The following PLCH1 variants were observed in gnomAD, a reference collection of about 807,000 sequenced individuals.
PLCH1 encodes 1-phosphatidylinositol 4,5-bisphosphate phosphodiesterase eta-1.
Under a neutral mutation model 126.7 loss-of-function variants are expected in PLCH1, and 60 were observed. That is an observed-to-expected ratio of 0.47 (90% CI 0.38 to 0.59). PLCH1 has a LOEUF of 0.59. Ranked by LOEUF, PLCH1 falls within the 20% of genes least tolerant of loss-of-function variation. PLCH1 has a pLI of 0.00. For synonymous variants in PLCH1, 719 were observed against 734.9 expected, an observed-to-expected ratio of 0.98 and a Z score of 0.35; for missense variants, 1,723 against 2,040.0, an observed-to-expected ratio of 0.84 and a Z score of 2.99.
chr3:155,659,639 C>T (rs1741897176), intron 2 of PLCH1, among the ~76,000 whole-genome samples: 1 of 151,946 alleles, frequency 6.6e-6, no homozygotes, highest in African/African-American at 2.4e-5. Flanking sequence ...GCTGGGATGA[C>T]AGGCGCCCAC....
intron 1 of PLCH1, among the ~76,000 whole-genome samples, chr3:155,739,235 G>A (rs566897404): frequency 1.3e-5 from 2 of 152,170 alleles, no homozygotes; most frequent in South Asian, 4.2e-4. Flanking sequence ...AACACTACCC[G>A]GTCCATTCTA....
intron 14 of PLCH1, among the ~76,000 whole-genome samples, chr3:155,498,602 T>C (rs901674848): frequency 8.5e-5 from 13 of 152,286 alleles, no homozygotes; most frequent in African/African-American, 3.1e-4. Context: ...AAACACTGCA[T>C]AGTGGGTAGC....
chr3:155,732,877 CAAAAAAA>C (rs71155063), intron 1 of PLCH1, among the ~76,000 whole-genome samples: 1 of 80,254 alleles, frequency 1.2e-5, no homozygotes. Context: ...GACTGCATCT[CAAAAAAA>C]AAAAAAAAAA....
At chr3:155,534,669 A>G (rs1723119732) in intron 10 of PLCH1, among the ~76,000 whole-genome samples, 1 of 152,196 alleles carries the variant, frequency 6.6e-6, no homozygotes, top group Admixed American at 6.5e-5. Flanking sequence ...TCCCACCCAA[A>G]TATCATCTTG....
intron 2 of PLCH1, among the ~76,000 whole-genome samples, chr3:155,688,682 C>A (rs1336867997): frequency 6.6e-6 from 1 of 152,138 alleles, no homozygotes; most frequent in Non-Finnish European, 1.5e-5. Context: ...AGGGTGGGTC[C>A]CAGGCCTGTC....
rs1029451144 is a variant in PLCH1 at position 155,549,639 on chromosome 3, T to A, written c.1362+148A>T. On this transcript the variant is annotated intron_variant, in intron 10 of 22. Coordinates refer to ENST00000460012, the MANE Select transcript of PLCH1 (RefSeq NM_014996.4). ...TTCTGAAGACACGACTATAAAAAAA[T>A]TGGAATAAGGCGCATACATAGATCT... The A allele has an allele frequency of 6.9e-6, 4 of 580,524 alleles. No homozygotes were observed. In the African/African-American group the frequency reaches 7.5e-5, roughly 11 times the overall value. 36.0% of individuals were successfully genotyped at this position (580,524 alleles called of 1,614,324 possible).
chr3:155,571,254 A>G (rs1271181650), intron 6 of PLCH1, among the ~76,000 whole-genome samples: 2 of 152,170 alleles, frequency 1.3e-5, no homozygotes, highest in Non-Finnish European at 2.9e-5. Flanking sequence ...ATATTGCTAA[A>G]CCTTACTAGC....
At chr3:155,471,001 G>A (rs934405825) in intron 21 of PLCH1, among the ~76,000 whole-genome samples, 1 of 151,432 alleles carries the variant, frequency 6.6e-6, no homozygotes, top group African/African-American at 2.4e-5. Context: ...ATCGAGACTA[G>A]GAAGAAAGTG....
chr3:155,695,575 C>T (rs1396829717), intron 2 of PLCH1, among the ~76,000 whole-genome samples: 16 of 152,244 alleles, frequency 1.1e-4, no homozygotes, highest in Non-Finnish European at 1.9e-4. Context: ...CTATATGCAA[C>T]GCATTGCACT....
chr3:155,553,270 A>G (rs1347989299), intron 9 of PLCH1, among the ~76,000 whole-genome samples: 1 of 152,066 alleles, frequency 6.6e-6, no homozygotes, highest in Non-Finnish European at 1.5e-5. Flanking sequence ...GTGTACCACT[A>G]CATCCACCTA....
intron 10 of PLCH1, among the ~76,000 whole-genome samples, chr3:155,536,746 C>T (rs886484167): frequency 1.3e-5 from 2 of 152,024 alleles, no homozygotes; most frequent in Non-Finnish European, 2.9e-5. Flanking sequence ...TGTGGAAAAC[C>T]TATTTGAGGG....
intron 1 of PLCH1, among the ~76,000 whole-genome samples, chr3:155,714,834 AG>A (rs1370580878): frequency 2.0e-5 from 3 of 152,194 alleles, no homozygotes; most frequent in Non-Finnish European, 4.4e-5. Context: ...TTCCCAAGCA[AG>A]GCTGGCCTAT....
intron 9 of PLCH1, among the ~76,000 whole-genome samples, chr3:155,552,119 A>T (rs7628745): frequency 0.017 from 2,636 of 152,296 alleles, 81 homozygotes; most frequent in African/African-American, 0.06. Context: ...TTTTAACCTC[A>T]TGTTTAATTA....
At chr3:155,678,421 G>C (rs1490858347) in intron 2 of PLCH1, among the ~76,000 whole-genome samples, 1 of 152,196 alleles carries the variant, frequency 6.6e-6, no homozygotes, top group Non-Finnish European at 1.5e-5. Flanking sequence ...ATAAGTGTCT[G>C]TTTGACCACA....
intron 2 of PLCH1, among the ~76,000 whole-genome samples, chr3:155,692,429 A>G (rs1434448778): frequency 6.6e-6 from 1 of 151,364 alleles, no homozygotes; most frequent in Non-Finnish European, 1.5e-5. Flanking sequence ...CTGAAGATAG[A>G]TAAATATACA....
Position 155,497,389 on chromosome 3 carries a change from GCTT to G in PLCH1, c.1822_1824del (p.Lys608del). On this transcript the variant is annotated inframe_deletion, in exon 15 of 23. Transcript: ENST00000460012. ...ACCAAATCAGAGAGTTCTCGGCAGA[GCTT>G]CATGGTTTTCCTTCGGCGACCCAAT... is the stretch of plus-strand genomic sequence containing the variant. The G allele has an allele frequency of 6.2e-7, 1 of 1,613,852 alleles. No homozygotes were observed. Among genetic ancestry groups the G allele is most frequent in the Non-Finnish European group, 8.5e-7 (1 of 1,179,756 alleles).
chr3:155,467,022 T>G (rs1010974124), intron 21 of PLCH1, among the ~76,000 whole-genome samples: 1 of 152,080 alleles, frequency 6.6e-6, no homozygotes, highest in Non-Finnish European at 1.5e-5. Flanking sequence ...AGGGCTAATC[T>G]AACAGTTATT....
chr3:155,501,840 C>A (rs1717949520), intron 13 of PLCH1, among the ~76,000 whole-genome samples: 1 of 152,040 alleles, frequency 6.6e-6, no homozygotes, highest in Non-Finnish European at 1.5e-5. Context: ...AGGACCACCC[C>A]AATAATTGCC....
At chr3:155,740,173 G>A (rs1433270466) in intron 1 of PLCH1, among the ~76,000 whole-genome samples, 1 of 152,160 alleles carries the variant, frequency 6.6e-6, no homozygotes, top group East Asian at 1.9e-4. Context: ...CACTTTGGGA[G>A]GCCAAGGCAG....
Sources: allele counts gnomAD v4.1 joint callset (sites outside exome capture counted in the v4.1 genomes callset), GRCh38; gene constraint gnomAD v4.1.1; transcripts MANE v1.5; gene names NCBI Gene and HGNC (gene_info 2026-07-23, HGNC 2026-07-21).